The following RNPS1 variants were observed in gnomAD, a reference collection of about 807,000 sequenced individuals.
The protein encoded by RNPS1 is RNA-binding protein with serine-rich domain 1.
For missense variants in RNPS1, 300 were observed against 427.6 expected, an observed-to-expected ratio of 0.70 and a Z score of 2.63; for synonymous variants, 147 against 150.0, an observed-to-expected ratio of 0.98 and a Z score of 0.15.
intron 6 of RNPS1, chr16:2,256,261 G>A (rs987105839): frequency 1.3e-4 from 21 of 159,258 alleles, no homozygotes; most frequent in Non-Finnish European, 2.4e-4. Flanking sequence ...CAAGTCAAGA[G>A]CTAAAGAATG....
At chr16:2,256,487 G>C (rs2093578904) in intron 6 of RNPS1, 1 of 152,418 alleles carries the variant, frequency 6.6e-6, no homozygotes, top group Non-Finnish European at 1.5e-5. Flanking sequence ...GAACCCAGGA[G>C]GAGGAGGTTG....
chr16:2,256,932 G>A (rs1171113006), intron 6 of RNPS1: 5 of 152,314 alleles, frequency 3.3e-5, no homozygotes, highest in African/African-American at 1.2e-4. Flanking sequence ...GCTTGGTGAT[G>A]GATGGGATGG....
intron 6 of RNPS1, among the ~76,000 whole-genome samples, chr16:2,261,993 T>C (rs576692935): frequency 6.6e-6 from 1 of 152,344 alleles, no homozygotes; most frequent in Admixed American, 6.5e-5. Flanking sequence ...AAAAACTTTG[T>C]AATTTTAAGT....
At chr16:2,254,963 C>A (rs986044678) in intron 7 of RNPS1, among the ~76,000 whole-genome samples, 1 of 152,044 alleles carries the variant, frequency 6.6e-6, no homozygotes, top group Non-Finnish European at 1.5e-5. Context: ...AGGGTGGTCT[C>A]GATCTCCTAA....
At position 2,259,315 on chromosome 16, in the gene RNPS1, T is replaced by C. The variant is rs201401379; in HGVS notation, c.676+2963A>G. On this transcript the variant is annotated intron_variant, in intron 6 of 7. Transcript: ENST00000320225. The stretch of plus-strand genomic sequence containing the variant: ...CCAAAATCACGTAAAACTCCTACAA[T>C]TGCAATATATCCTAGTGTACATGAT... Among the ~76,000 whole-genome samples the C allele has an allele frequency of 7.9e-5, 12 of 152,286 alleles. No homozygotes were observed. The East Asian group carries it at 1.9e-3, about 24-fold the overall frequency.
chr16:2,261,991 T>C (rs760973755), intron 6 of RNPS1, among the ~76,000 whole-genome samples: 2 of 152,218 alleles, frequency 1.3e-5, no homozygotes, highest in African/African-American at 2.4e-5. Flanking sequence ...TGAAAAACTT[T>C]GTAATTTTAA....
At chr16:2,262,895 T>C (rs1596811037) in intron 4 of RNPS1, 53 bp from the exon 5 acceptor site, 3 of 1,511,464 alleles carry the variant, frequency 2.0e-6, no homozygotes, top group Non-Finnish European at 1.8e-6. Flanking sequence ...CAAAATGTAC[T>C]AGACGCCTTT....
chr16:2,267,028 A>T, intron 1 of RNPS1: 1 of 307,350 alleles, frequency 3.3e-6, no homozygotes, highest in Non-Finnish European at 4.7e-6. Context: ...CCCCCCCAAG[A>T]ACTAAGATCT....
intron 6 of RNPS1, among the ~76,000 whole-genome samples, chr16:2,261,508 T>C (rs891160537): frequency 6.6e-6 from 1 of 152,208 alleles, no homozygotes; most frequent in Admixed American, 6.5e-5. Context: ...AATAAATACA[T>C]ATACATGCAT....
rs1164179126 is a variant in RNPS1, at chr16:2,253,805, G to A, written c.*159C>T. On this transcript the variant is annotated 3_prime_UTR_variant, in exon 8 of 8. Coordinates refer to ENST00000320225, the MANE Select transcript of RNPS1 (RefSeq NM_080594.4). ...CAGCATCCAAACCAACAGCACTTCTGCAGCCGGGGCCCGGCTGGCAGAGGG... is the reference window on the plus strand; with the variant it reads ...CAGCATCCAAACCAACAGCACTTCTACAGCCGGGGCCCGGCTGGCAGAGGG... 1 of 731,190 alleles carries A rather than the reference G, an allele frequency of 1.4e-6. No individual in the cohort carries two copies. The highest frequency in any genetic ancestry group is 2.7e-5 in the East Asian group (1 of 37,236). 45.3% of individuals were successfully genotyped at this position (731,190 alleles called of 1,614,324 possible). A position where few individuals can be genotyped will look rare whatever the true frequency, so the allele number is the denominator to read the frequency against.
chr16:2,259,774 A>G (rs1002470302), intron 6 of RNPS1, among the ~76,000 whole-genome samples: 15 of 152,144 alleles, frequency 9.9e-5, no homozygotes, highest in Non-Finnish European at 1.5e-5. Context: ...CTGCAGTCCC[A>G]GCTACTCGAG....
intron 7 of RNPS1, 68 bp downstream of exon 7, chr16:2,255,517 T>C: frequency 6.6e-7 from 1 of 1,508,356 alleles, no homozygotes; most frequent in South Asian, 1.3e-5. Flanking sequence ...GAATAAAGGG[T>C]CTGAAAGTCA....
At chr16:2,263,822 T>C in intron 3 of RNPS1, 2 of 280,264 alleles carry the variant, frequency 7.1e-6, no homozygotes, top group Non-Finnish European at 1.4e-5. Context: ...AGCCATCCTC[T>C]TGCCTCAGCC....
At chr16:2,255,922 T>TC (rs2093576296) in intron 6 of RNPS1, 196 bp from the exon 7 acceptor site, 5 of 596,936 alleles carry the variant, frequency 8.4e-6, no homozygotes, top group Non-Finnish European at 1.5e-5. Flanking sequence ...GGTCAGGAGA[T>TC]CGAGACCATC....
At chr16:2,266,008 C>T in intron 1 of RNPS1, 1 of 629,976 alleles carries the variant, frequency 1.6e-6, no homozygotes, top group African/African-American at 2.0e-5. Flanking sequence ...CCCTATTTTC[C>T]AGGGACTTCT....
chr16:2,264,984 C>T, intron 1 of RNPS1: 1 of 230,010 alleles, frequency 4.3e-6, no homozygotes, highest in Non-Finnish European at 8.5e-6. Flanking sequence ...GTATCTTTTT[C>T]TTAAAAAATG....
intron 1 of RNPS1, chr16:2,267,530 G>A (rs1457075967): frequency 4.9e-6 from 5 of 1,022,722 alleles, no homozygotes; most frequent in African/African-American, 1.7e-5. Context: ...AACGTTCGCG[G>A]AGTACACGTT....
At chr16:2,260,370 G>C (rs2141563173) in intron 6 of RNPS1, among the ~76,000 whole-genome samples, 1 of 152,002 alleles carries the variant, frequency 6.6e-6, no homozygotes, top group East Asian at 1.9e-4. Context: ...TGGCCACGCT[G>C]GTCTCAAACT....
chr16:2,262,914 C>A (rs773698508), intron 4 of RNPS1, 72 bp from the exon 5 acceptor site: 1 of 1,378,586 alleles, frequency 7.3e-7, no homozygotes, highest in Non-Finnish European at 1.0e-6. Flanking sequence ...TTCGAGTAAG[C>A]TCTTATCTGC....
Sources: allele counts gnomAD v4.1 joint callset (sites outside exome capture counted in the v4.1 genomes callset), GRCh38; gene constraint gnomAD v4.1.1; transcripts MANE v1.5; gene names NCBI Gene and HGNC (gene_info 2026-07-23, HGNC 2026-07-21).